Variants in TRDN observed in about 807,000 individuals in gnomAD.
TRDN encodes the protein triadin.
Under a neutral mutation model 149.7 loss-of-function variants are expected in TRDN, and 161 were observed. The observed-to-expected ratio is 1.08, with a 90% CI of 0.95 to 1.23. The LOEUF (loss-of-function observed/expected upper bound fraction) is 1.23, where lower values mean the gene tolerates loss of function less well. Among genes scored for constraint, TRDN ranks in the 50% most tolerant of loss-of-function variants. The pLI, the probability that TRDN is intolerant of heterozygous loss-of-function variation, is 0.00. For missense variants in TRDN, 896 were observed against 823.5 expected (o/e 1.09, Z -1.08); for synonymous variants, 294 against 250.5 (o/e 1.17, Z -1.64).
intron 9 of TRDN, among the ~76,000 whole-genome samples, chr6:123,481,164 C>G (rs1164869734): frequency 6.6e-6 from 1 of 152,102 alleles, no homozygotes; most frequent in Non-Finnish European, 1.5e-5. Flanking sequence ...ATCCAAGACT[C>G]TCTCAACAAT....
intron 23 of TRDN, among the ~76,000 whole-genome samples, chr6:123,329,111 T>C (rs1201001181): frequency 6.6e-6 from 1 of 152,182 alleles, no homozygotes; most frequent in African/African-American, 2.4e-5. Flanking sequence ...CCAGAGTCCT[T>C]GTCTCCACTA....
intron 38 of TRDN, among the ~76,000 whole-genome samples, chr6:123,245,861 T>C (rs941622024): frequency 1.1e-4 from 16 of 152,194 alleles, no homozygotes; most frequent in Admixed American, 7.2e-4. Flanking sequence ...CCTCAGCAAA[T>C]GCAAAAGAAT....
intron 21 of TRDN, among the ~76,000 whole-genome samples, chr6:123,344,202 C>A (rs1023715772): frequency 6.6e-6 from 1 of 152,048 alleles, no homozygotes; most frequent in African/African-American, 2.4e-5. Context: ...CAAGCACACT[C>A]AGGCTCCATC....
intron 18 of TRDN, 123 bp downstream of exon 18, chr6:123,377,593 A>G: frequency 1.7e-6 from 2 of 1,162,754 alleles, no homozygotes; most frequent in South Asian, 2.8e-5. Context: ...CTTGGAAAAA[A>G]CACTGTGAGA....
chr6:123,331,003 G>T (rs1204938244), intron 23 of TRDN, among the ~76,000 whole-genome samples: 1 of 151,914 alleles, frequency 6.6e-6, no homozygotes, highest in African/African-American at 2.4e-5. Flanking sequence ...AGGGAAACAG[G>T]CTCTTCTTCT....
chr6:123,571,697 T>C (rs1782589549), intron 1 of TRDN, among the ~76,000 whole-genome samples: 2 of 152,158 alleles, frequency 1.3e-5, no homozygotes, highest in South Asian at 4.1e-4. Flanking sequence ...ATAACCACTG[T>C]TAATATTTTG....
rs1448082233 is a variant in TRDN, at chr6:123,539,720, A to G, written c.424+7620T>C. On this transcript the variant is annotated intron_variant, in intron 4 of 40. Transcript: ENST00000334268. ...ATATTAACTTAGTTTGCATCCTATC[A>G]TTCATGTTTTGGGATTTTGTTAACA... Among the ~76,000 whole-genome samples, 4 of 152,222 alleles carry G rather than the reference A, an allele frequency of 2.6e-5. 1 individual carries two copies. The South Asian group carries it at 8.3e-4, about 31-fold the overall frequency.
At chr6:123,478,541 A>T (rs1777602580) in intron 9 of TRDN, among the ~76,000 whole-genome samples, 3 of 152,352 alleles carry the variant, frequency 2.0e-5, no homozygotes, top group Admixed American at 2.0e-4. Flanking sequence ...GATGGTGAAG[A>T]CAGAAGATAT....
At chr6:123,254,896 T>C in intron 37 of TRDN, 185 bp downstream of exon 37, 1 of 524,124 alleles carries the variant, frequency 1.9e-6, no homozygotes, top group Non-Finnish European at 3.6e-6. Flanking sequence ...TTCTTCATGT[T>C]TTCTTATTTT....
intron 1 of TRDN, among the ~76,000 whole-genome samples, chr6:123,590,937 A>T (rs1783747966): frequency 6.6e-6 from 1 of 152,182 alleles, no homozygotes; most frequent in Non-Finnish European, 1.5e-5. Context: ...ATATATAATC[A>T]GTAAACAGGG....
intron 1 of TRDN, among the ~76,000 whole-genome samples, chr6:123,634,424 G>A (rs377467719): frequency 8.2e-4 from 125 of 151,838 alleles, no homozygotes; most frequent in African/African-American, 2.9e-3. Flanking sequence ...ATGGGTGACA[G>A]AGAAAAATTC....
intron 1 of TRDN, among the ~76,000 whole-genome samples, chr6:123,608,275 T>A (rs1365295414): frequency 6.6e-6 from 1 of 152,190 alleles, no homozygotes; most frequent in African/African-American, 2.4e-5. Flanking sequence ...ATTAATATGC[T>A]CTATCTTCTA....
chr6:123,604,190 T>C (rs1784412020), intron 1 of TRDN, among the ~76,000 whole-genome samples: 1 of 152,172 alleles, frequency 6.6e-6, no homozygotes. Context: ...GACAGAGAAG[T>C]GAGCCATAAT....
intron 16 of TRDN, among the ~76,000 whole-genome samples, chr6:123,379,548 A>C (rs1781635448): frequency 6.6e-6 from 1 of 152,208 alleles, no homozygotes; most frequent in Non-Finnish European, 1.5e-5. Flanking sequence ...GATAACAGTC[A>C]AAAAAGTACT....
At position 123,419,729 on chromosome 6, in the gene TRDN, G is replaced by A. The variant is rs535066377; in HGVS notation, c.1051+18334C>T. On this transcript the variant is annotated intron_variant, in intron 12 of 40. Coordinates refer to ENST00000334268, the MANE Select transcript of TRDN (RefSeq NM_006073.4). ...CTCTGAGAATAAAAGAAAGTGTGAT[G>A]AATAATTATGTCAATGCTACAGGAG... Among the ~76,000 whole-genome samples the A allele has an allele frequency of 1.2e-4, 18 of 152,278 alleles. No individual in the cohort carries two copies. The South Asian group carries it at 3.7e-3, about 32-fold the overall frequency.
At chr6:123,570,895 T>C in intron 2 of TRDN, 28 bp downstream of exon 2, 1 of 1,603,676 alleles carries the variant, frequency 6.2e-7, no homozygotes, top group Non-Finnish European at 8.5e-7. Flanking sequence ...TTAATTTTAA[T>C]TTTAAAGCCA....
intron 12 of TRDN, among the ~76,000 whole-genome samples, chr6:123,433,092 C>G (rs1774398043): frequency 6.9e-6 from 1 of 144,628 alleles, no homozygotes; most frequent in African/African-American, 2.5e-5. Flanking sequence ...CATGTTCCTG[C>G]ATATTCTGAC....
At chr6:123,541,254 CA>C in intron 4 of TRDN, among the ~76,000 whole-genome samples, 1 of 152,130 alleles carries the variant, frequency 6.6e-6, no homozygotes, top group East Asian at 1.9e-4. Context: ...ATGTTGGCAC[CA>C]AAACCTGATC....
intron 35 of TRDN, among the ~76,000 whole-genome samples, chr6:123,257,390 T>C (rs1356730344): frequency 6.6e-6 from 1 of 152,238 alleles, no homozygotes; most frequent in African/African-American, 2.4e-5. Flanking sequence ...ATTTATTAAA[T>C]AGTGAATCCT....
Sources: allele counts gnomAD v4.1 joint callset (sites outside exome capture counted in the v4.1 genomes callset), GRCh38; gene constraint gnomAD v4.1.1; transcripts MANE v1.5; gene names NCBI Gene and HGNC (gene_info 2026-07-23, HGNC 2026-07-21).